SGCD: variants seen among roughly 807,000 people sequenced by gnomAD.
SGCD encodes sarcoglycan delta, also known as delta-sarcoglycan.
In SGCD, 18 loss-of-function variants were observed where a neutral mutation model predicts 36.6. The ratio of observed to expected loss-of-function variants is 0.49; its 90% CI spans 0.34 to 0.73. SGCD has a LOEUF of 0.73. Ranked by LOEUF, SGCD falls within the 30% of genes least tolerant of loss-of-function variation. The pLI is 0.01. For synonymous variants in SGCD, 133 were observed against 130.6 expected, an observed-to-expected ratio of 1.02 and a Z score of -0.12; for missense variants, 387 against 346.7, an observed-to-expected ratio of 1.12 and a Z score of -0.92.
chr5:156,209,421 G>C (rs1023521745), intron 3 of SGCD, among the ~76,000 whole-genome samples: 2 of 152,132 alleles, frequency 1.3e-5, no homozygotes, highest in African/African-American at 2.4e-5. Flanking sequence ...ATTACTCTAG[G>C]TTACAGATCA....
chr5:156,348,858 A>T (rs2127720161), intron 3 of SGCD, among the ~76,000 whole-genome samples: 1 of 152,326 alleles, frequency 6.6e-6, no homozygotes, highest in South Asian at 2.1e-4. Flanking sequence ...ATTATACTAC[A>T]AGGCTATAGT....
At chr5:155,798,586 T>G in the SGCD span, among the ~76,000 whole-genome samples, 9,194 of 152,246 alleles carry the variant, frequency 0.06, 482 homozygotes, top group African/African-American at 0.14. Context: ...GAATACATAT[T>G]ACTAAATTGC....
At chr5:155,861,859 A>G in the SGCD span, among the ~76,000 whole-genome samples, 1 of 152,244 alleles carries the variant, frequency 6.6e-6, no homozygotes, top group Non-Finnish European at 1.5e-5. Flanking sequence ...AGGGATCATA[A>G]TATTGAAGCC....
At chr5:156,336,432 T>C (rs910349442) in intron 2 of SGCD, among the ~76,000 whole-genome samples, 5 of 152,242 alleles carry the variant, frequency 3.3e-5, no homozygotes, top group Non-Finnish European at 7.3e-5. Context: ...ATTTTCATTA[T>C]GATAGGTAAC....
At chr5:155,771,337 C>T in the SGCD span, among the ~76,000 whole-genome samples, 18 of 152,114 alleles carry the variant, frequency 1.2e-4, no homozygotes, top group African/African-American at 4.3e-4. Context: ...CATGCTCAAA[C>T]TCCTGGGCTT....
At chr5:156,108,923 GA>G (rs1196514404) in intron 1 of SGCD, among the ~76,000 whole-genome samples, 1 of 152,084 alleles carries the variant, frequency 6.6e-6, no homozygotes, top group African/African-American at 2.4e-5. Flanking sequence ...TTAAAAAATG[GA>G]ACCTTTGTAT....
chr5:156,630,883 T>G (rs965727109), intron 6 of SGCD, among the ~76,000 whole-genome samples: 7 of 152,194 alleles, frequency 4.6e-5, no homozygotes, highest in Admixed American at 1.3e-4. Context: ...TGTTCAACAT[T>G]ATATCCTTAG....
chr5:156,018,590 C>T (rs1030606199), intron 1 of SGCD, among the ~76,000 whole-genome samples: 1 of 152,114 alleles, frequency 6.6e-6, no homozygotes, highest in Non-Finnish European at 1.5e-5. Flanking sequence ...CTCCTTCATC[C>T]AGCCATCATT....
chr5:156,008,780 A>G (rs1177513870), intron 1 of SGCD, among the ~76,000 whole-genome samples: 2 of 152,162 alleles, frequency 1.3e-5, no homozygotes, highest in African/African-American at 4.8e-5. Context: ...CCCTATATCC[A>G]AGTAAGTTCA....
intron 7 of SGCD, among the ~76,000 whole-genome samples, chr5:156,656,074 AAGAG>A (rs1763662794): frequency 6.6e-6 from 1 of 152,174 alleles, no homozygotes; most frequent in Admixed American, 6.5e-5. Flanking sequence ...AATGTTAAAA[AAGAG>A]AGAAAGTTAT....
intron 3 of SGCD, among the ~76,000 whole-genome samples, chr5:156,165,603 T>C (rs1293649200): frequency 6.6e-6 from 1 of 152,194 alleles, no homozygotes; most frequent in Admixed American, 6.5e-5. Flanking sequence ...GTTGAATCCT[T>C]GAACCTGCAG....
chr5:155,801,791 A>G, the SGCD span, among the ~76,000 whole-genome samples: 1 of 152,206 alleles, frequency 6.6e-6, no homozygotes, highest in Non-Finnish European at 1.5e-5. Flanking sequence ...AATTCTAGAG[A>G]TTGATTCAAG....
At chr5:155,754,330 C>T in the SGCD span, among the ~76,000 whole-genome samples, 2 of 152,114 alleles carry the variant, frequency 1.3e-5, no homozygotes, top group Admixed American at 1.3e-4. Context: ...ATATAAGGGA[C>T]TATAATTAAG....
At chr5:156,589,798 A>G (rs1446208294) in intron 5 of SGCD, among the ~76,000 whole-genome samples, 1 of 152,160 alleles carries the variant, frequency 6.6e-6, no homozygotes, top group Non-Finnish European at 1.5e-5. Flanking sequence ...ACCTAACTCA[A>G]TTGCAGGATG....
intron 6 of SGCD, among the ~76,000 whole-genome samples, chr5:156,642,233 A>T (rs1014045448): frequency 1.4e-4 from 21 of 152,232 alleles, no homozygotes; most frequent in African/African-American, 4.8e-4. Context: ...TAATACCATC[A>T]CATTGATGGC....
At chr5:156,074,624 G>T (rs572841855) in intron 1 of SGCD, among the ~76,000 whole-genome samples, 1 of 152,068 alleles carries the variant, frequency 6.6e-6, no homozygotes, top group Non-Finnish European at 1.5e-5. Context: ...AGGTTGCAGT[G>T]AGCCAAGATT....
intron 3 of SGCD, among the ~76,000 whole-genome samples, chr5:156,207,496 C>A (rs1312589217): frequency 6.6e-6 from 1 of 152,118 alleles, no homozygotes; most frequent in Admixed American, 6.5e-5. Context: ...CTACATTTAA[C>A]CCACAGCACT....
At chr5:156,572,323 A>C (rs1018145086) in intron 4 of SGCD, among the ~76,000 whole-genome samples, 1 of 152,190 alleles carries the variant, frequency 6.6e-6, no homozygotes. Flanking sequence ...GGAACTGACA[A>C]GCTGTTTTTC....
chr5:155,814,602 A>C, the SGCD span, among the ~76,000 whole-genome samples: 1 of 152,206 alleles, frequency 6.6e-6, no homozygotes, highest in African/African-American at 2.4e-5. Flanking sequence ...AAAATATTTG[A>C]ATGAATAAAT....
Sources: gnomAD v4.1 joint callset for allele counts (sites outside exome capture counted in the v4.1 genomes callset) on GRCh38, gnomAD v4.1.1 for gene constraint, MANE v1.5 for transcripts, NCBI Gene and HGNC (gene_info 2026-07-23, HGNC 2026-07-21) for gene names.